Variants in ALOX5 observed in about 807,000 individuals in gnomAD.
The protein encoded by ALOX5 is polyunsaturated fatty acid 5-lipoxygenase.
In ALOX5, 64 loss-of-function variants were observed where a neutral mutation model predicts 87.9. The ratio of observed to expected loss-of-function variants is 0.73; its 90% confidence interval spans 0.60 to 0.90. The LOEUF (loss-of-function observed/expected upper bound fraction) is 0.90, where lower values mean the gene tolerates loss of function less well. Among genes scored for constraint, ALOX5 ranks in the 40% least tolerant of loss-of-function variants. ALOX5 has a pLI of 0.00. For missense variants in ALOX5, 822 were observed against 907.5 expected (o/e 0.91, Z 1.21); for synonymous variants, 388 against 355.1 (o/e 1.09, Z -1.04).
intron 3 of ALOX5, among the ~76,000 whole-genome samples, chr10:45,403,041 C>G (rs981238966): frequency 2.0e-5 from 3 of 152,172 alleles, no homozygotes; most frequent in African/African-American, 7.2e-5. Context: ...TCATATACCA[C>G]CGGCAGGAGG....
At position 45,395,919 on chromosome 10, in the gene ALOX5, A is replaced by G; in HGVS notation, c.414A>G (p.Thr138=). Residue 138 remains threonine, a synonymous_variant, in exon 3 of 14, where the codon ACA becomes ACG. Coordinates refer to ENST00000374391, the MANE Select transcript of ALOX5 (RefSeq NM_000698.5). ...AACACCGACGTAAAGAACTGGAAAC[A>G]CGGCAAAAACAATATCGGTGAGTTA... The part of the protein sequence containing the change: ...LKQHRRKELE[T]RQKQYRWMEW... 1.2e-6 allele frequency: 2 copies of G among 1,614,254 alleles called. No individual in the cohort carries two copies. Among genetic ancestry groups the G allele is most frequent in the Non-Finnish European group, 1.7e-6 (2 of 1,180,034 alleles).
chr10:45,419,515 C>G (rs1353086503), intron 4 of ALOX5, among the ~76,000 whole-genome samples: 1 of 152,222 alleles, frequency 6.6e-6, no homozygotes, highest in East Asian at 1.9e-4. Context: ...CCTCCCCCAG[C>G]CCCGCAGGCC....
chr10:45,425,851 C>A lies in ALOX5; in HGVS notation c.834+719C>A, dbSNP rs1050680004. Reference sequence around the variant, plus strand: ...GGTGTCCAGGTGGCCTCTGCTGCTTCCAGTCTTTTGAGCTCAGCTTACCCT... The same window carrying A: ...GGTGTCCAGGTGGCCTCTGCTGCTTACAGTCTTTTGAGCTCAGCTTACCCT... On this transcript the variant is annotated intron_variant, in intron 6 of 13. Transcript: ENST00000374391. The surrounding 1 kb of genome is among the most constrained non-coding windows in gnomAD (Gnocchi z 4.4). 1.3e-5 allele frequency among the ~76,000 whole-genome samples: 2 copies of A among 152,204 alleles called. No homozygotes were observed. The highest frequency in any genetic ancestry group is 4.8e-5 in the African/African-American group (2 of 41,454).
At chr10:45,391,568 A>C (rs865966964) in intron 2 of ALOX5, among the ~76,000 whole-genome samples, 1 of 148,960 alleles carries the variant, frequency 6.7e-6, no homozygotes, top group Non-Finnish European at 1.5e-5. Flanking sequence ...TCTGGGATGT[A>C]AGGAGCCCCT....
At position 45,428,598 on chromosome 10, in the gene ALOX5, C is replaced by T. The variant is rs1364785720; in HGVS notation, c.835-20C>T. The T allele has an allele frequency of 1.9e-6, 3 of 1,613,712 alleles. No individual in the cohort carries two copies. The South Asian group carries it at 3.3e-5, about 18-fold the overall frequency. ...CCGTCTGCTGAGCCTGATTTGGACA[C>T]ATCTCTCTGCCTCCTGCAGCAAGGG... On this transcript the variant is annotated intron_variant, in intron 6 of 13. Transcript: ENST00000374391.
chr10:45,378,426 G>A (rs1166751487), intron 1 of ALOX5, among the ~76,000 whole-genome samples: 1 of 152,256 alleles, frequency 6.6e-6, no homozygotes, highest in South Asian at 2.1e-4. Context: ...ATAATCACTC[G>A]CTCGGCCATT....
At chr10:45,377,326 T>C (rs1839651578) in intron 1 of ALOX5, among the ~76,000 whole-genome samples, 1 of 151,772 alleles carries the variant, frequency 6.6e-6, no homozygotes, top group Non-Finnish European at 1.5e-5. Flanking sequence ...AGCCATCTTT[T>C]CCCTACATTC....
At chr10:45,424,515 G>T (rs1417624058) in intron 5 of ALOX5, among the ~76,000 whole-genome samples, 3 of 152,196 alleles carry the variant, frequency 2.0e-5, no homozygotes, top group Non-Finnish European at 2.9e-5. Flanking sequence ...GCAACTTTGG[G>T]TTCCTTTGGA....
chr10:45,391,304 A>G (rs377096464), intron 2 of ALOX5, among the ~76,000 whole-genome samples: 10 of 152,100 alleles, frequency 6.6e-5, no homozygotes, highest in African/African-American at 1.9e-4. Flanking sequence ...TGTGTTGGCC[A>G]GGCTGGTCTC....
At chr10:45,441,647 A>C (rs1842239280) in intron 9 of ALOX5, 2 of 512,454 alleles carry the variant, frequency 3.9e-6, no homozygotes, top group Non-Finnish European at 6.9e-6. Flanking sequence ...CTTCTCACTG[A>C]TGGCTCCTGG....
intron 7 of ALOX5, among the ~76,000 whole-genome samples, chr10:45,430,450 G>A (rs1841870422): frequency 6.6e-6 from 1 of 151,960 alleles, no homozygotes. Context: ...GCAAGATTCG[G>A]AATAAAAAAG....
At chr10:45,383,636 T>C (rs189926729) in intron 2 of ALOX5, among the ~76,000 whole-genome samples, 117 of 152,332 alleles carry the variant, frequency 7.7e-4, no homozygotes, top group African/African-American at 2.7e-3. Flanking sequence ...GAGATGACTG[T>C]TACCCCCATT....
At chr10:45,383,359 G>A (rs1839907646) in intron 2 of ALOX5, among the ~76,000 whole-genome samples, 1 of 152,256 alleles carries the variant, frequency 6.6e-6, no homozygotes, top group Admixed American at 6.5e-5. Context: ...GACGGACGCA[G>A]GCGTCAAGGT....
At chr10:45,433,757 G>C (rs1457098812) in intron 7 of ALOX5, among the ~76,000 whole-genome samples, 1 of 152,176 alleles carries the variant, frequency 6.6e-6, no homozygotes, top group Non-Finnish European at 1.5e-5. Flanking sequence ...TAAAAATTTG[G>C]GTTACCAGAA....
chr10:45,433,231 G>A (rs1167385621), intron 7 of ALOX5, among the ~76,000 whole-genome samples: 1 of 152,190 alleles, frequency 6.6e-6, no homozygotes, highest in Non-Finnish European at 1.5e-5. Flanking sequence ...TAACTGGTGG[G>A]CCTGGGCAGC....
intron 7 of ALOX5, among the ~76,000 whole-genome samples, chr10:45,438,129 C>CT (rs11290750): frequency 7.5e-5 from 11 of 146,236 alleles, no homozygotes; most frequent in Admixed American, 1.4e-4. Flanking sequence ...TTGACTTCCT[C>CT]TTTTTTTTTT....
At chr10:45,393,992 G>T (rs1840400980) in intron 2 of ALOX5, among the ~76,000 whole-genome samples, 1 of 152,210 alleles carries the variant, frequency 6.6e-6, no homozygotes, top group African/African-American at 2.4e-5. Context: ...CATGCTCATG[G>T]ATAGGAAGAA....
chr10:45,385,491 C>G (rs962455826), intron 2 of ALOX5, among the ~76,000 whole-genome samples: 4 of 152,178 alleles, frequency 2.6e-5, no homozygotes, highest in Admixed American at 6.6e-5. Context: ...CCTTCGGGAC[C>G]AGGGGAGACA....
chr10:45,444,112 G>A lies in ALOX5; in HGVS notation c.1675-4G>A, dbSNP rs2132866540. The A allele has an allele frequency of 1.3e-6, 2 of 1,536,024 alleles. No homozygotes were observed. Among genetic ancestry groups the A allele is most frequent in the Non-Finnish European group, 1.8e-6 (2 of 1,137,436 alleles). On this transcript the variant is annotated splice_polypyrimidine_tract_variant and splice_region_variant and intron_variant, in intron 12 of 13. Coordinates refer to ENST00000374391, the MANE Select transcript of ALOX5 (RefSeq NM_000698.5). ...CCCACGCTTGCTGGCGGTCGTCTCC[G>A]CAGTACGACTGGTGCTCCTGGATCC...
Sources: gnomAD v4.1 joint callset for allele counts (sites outside exome capture counted in the v4.1 genomes callset) on GRCh38, gnomAD v4.1.1 for gene constraint, Gnocchi (gnomAD v3.1) non-coding constraint, MANE v1.5 for transcripts, NCBI Gene and HGNC (gene_info 2026-07-23, HGNC 2026-07-21) for gene names.